The following GMPS variants were observed in gnomAD, a reference collection of about 807,000 sequenced individuals.
The protein encoded by GMPS is guanosine monophosphate synthase, also known as GMP synthase [glutamine-hydrolyzing].
Under a neutral mutation model 77.9 loss-of-function variants are expected in GMPS, and 15 were observed. The ratio of observed to expected loss-of-function variants is 0.19; its 90% CI spans 0.13 to 0.30. The LOEUF (loss-of-function observed/expected upper bound fraction) is 0.30. Among genes scored for constraint, GMPS ranks in the 10% least tolerant of loss-of-function variants. GMPS has a pLI of 1.00. For synonymous variants in GMPS, 224 were observed against 275.9 expected, an observed-to-expected ratio of 0.81 and a Z score of 1.86; for missense variants, 590 against 838.8, an observed-to-expected ratio of 0.70 and a Z score of 3.66.
At position 155,940,740 on chromosome 3, in the gene GMPS, G is replaced by GTTTT. The variant is rs77440100; in HGVS notation, c.*3063_*3066dup. On this transcript the variant is annotated 3_prime_UTR_variant, in exon 16 of 16. Transcript: ENST00000496455. ...AGACAGAATGGAGAAGCTGGATAGT[G>GTTTT]TTTTTTTTTTTTTTTTTTAAGGTTC... The GTTTT allele has an allele frequency of 2.1e-4, 36 of 175,428 alleles. No homozygotes were observed. Among genetic ancestry groups the GTTTT allele is most frequent in the Middle Eastern group, 3.9e-3 (2 of 510 alleles). The allele number at this position is 175,428 out of a possible 1,614,324, so 10.9% of individuals were successfully genotyped here.
At chr3:155,895,547 G>A (rs1345982855) in intron 2 of GMPS, 1 of 152,178 alleles carries the variant, frequency 6.6e-6, no homozygotes, top group Non-Finnish European at 1.5e-5. Context: ...CTGAGCTAAG[G>A]TAATCTGCCC....
chr3:155,937,258 A>G (rs559603215), intron 15 of GMPS, among the ~76,000 whole-genome samples: 168 of 152,342 alleles, frequency 1.1e-3, no homozygotes, highest in Non-Finnish European at 1.8e-3. Context: ...ATAAAATCAC[A>G]TGCTTGGATG....
intron 1 of GMPS, among the ~76,000 whole-genome samples, chr3:155,884,497 A>G (rs1241126162): frequency 6.6e-6 from 1 of 152,162 alleles, no homozygotes; most frequent in African/African-American, 2.4e-5. Flanking sequence ...ACATACGTAT[A>G]TTGTGTCAAC....
intron 1 of GMPS, among the ~76,000 whole-genome samples, chr3:155,881,164 G>GTTTTTTTTTTTTTTTTTTTTTTT (rs11334499): frequency 1.9e-5 from 1 of 52,928 alleles, no homozygotes; most frequent in Non-Finnish European, 3.4e-5. Context: ...TTTGATATTA[G>GTTTTTTTTTTTTTTTTTTTTTTT]TTTTTTTTTT....
chr3:155,933,827 C>G (rs968658349), intron 13 of GMPS, among the ~76,000 whole-genome samples: 1 of 152,102 alleles, frequency 6.6e-6, no homozygotes, highest in African/African-American at 2.4e-5. Flanking sequence ...TGAAACAGAT[C>G]CCTTCAAACC....
At chr3:155,908,128 G>A (rs888867884) in intron 5 of GMPS, among the ~76,000 whole-genome samples, 2 of 152,224 alleles carry the variant, frequency 1.3e-5, no homozygotes, top group Non-Finnish European at 2.9e-5. Flanking sequence ...AAGAAGACAA[G>A]CTAGGAATTT....
intron 12 of GMPS, among the ~76,000 whole-genome samples, chr3:155,929,676 C>A (rs1755552065): frequency 7.6e-6 from 1 of 130,932 alleles, no homozygotes; most frequent in East Asian, 2.4e-4. Context: ...TCTCAGGATA[C>A]AAAATCAATG....
chr3:155,921,437 A>G (rs1755314068), intron 10 of GMPS, among the ~76,000 whole-genome samples: 1 of 152,200 alleles, frequency 6.6e-6, no homozygotes, highest in Non-Finnish European at 1.5e-5. Flanking sequence ...TTCCCTTATT[A>G]AAAACTTTGG....
At chr3:155,929,478 A>G (rs1311668926) in intron 12 of GMPS, among the ~76,000 whole-genome samples, 1 of 148,560 alleles carries the variant, frequency 6.7e-6, no homozygotes, top group Non-Finnish European at 1.5e-5. Flanking sequence ...CTCTCTCACC[A>G]CTCCTATTCA....
intron 1 of GMPS, among the ~76,000 whole-genome samples, chr3:155,881,828 G>A (rs1754213338): frequency 6.6e-6 from 1 of 152,186 alleles, no homozygotes; most frequent in Non-Finnish European, 1.5e-5. Context: ...CACTTTGGGA[G>A]GCTGAGGTGG....
intron 1 of GMPS, among the ~76,000 whole-genome samples, chr3:155,879,816 C>T (rs1457126622): frequency 6.7e-6 from 1 of 149,892 alleles, no homozygotes; most frequent in East Asian, 2.0e-4. Context: ...CTGCAACCTC[C>T]ACCTCCTGGG....
chr3:155,934,905 T>C lies in GMPS; in HGVS notation c.1677-11T>C. On this transcript the variant is annotated splice_polypyrimidine_tract_variant and intron_variant, in intron 13 of 15. Coordinates refer to ENST00000496455, the MANE Select transcript of GMPS (RefSeq NM_003875.3). The stretch of plus-strand genomic sequence containing the variant: ...GTAATTGCTGTATTATTTTTACCTC[T>C]TTGTTTCCAGAGTTGTTTATATATT... 6.5e-7 allele frequency: 1 copy of C among 1,539,198 alleles called. No individual in the cohort carries two copies. Among genetic ancestry groups the C allele is most frequent in the Non-Finnish European group, 9.0e-7 (1 of 1,114,340 alleles).
chr3:155,899,672 TTTTGG>T, intron 3 of GMPS, among the ~76,000 whole-genome samples: 1 of 152,222 alleles, frequency 6.6e-6, no homozygotes, highest in Admixed American at 6.5e-5. Context: ...CATTCTATTG[TTTTGG>T]ACAAATGTAT....
chr3:155,921,207 C>T (rs148271413), intron 10 of GMPS, among the ~76,000 whole-genome samples: 6 of 152,088 alleles, frequency 3.9e-5, no homozygotes, highest in Admixed American at 6.6e-5. Context: ...GAGCTGAGAT[C>T]GTGCCACTGC....
intron 1 of GMPS, among the ~76,000 whole-genome samples, chr3:155,884,617 G>A (rs1426764267): frequency 1.3e-5 from 2 of 152,082 alleles, no homozygotes; most frequent in African/African-American, 4.8e-5. Context: ...AGAAATTGTG[G>A]CCCTGGACCA....
intron 1 of GMPS, among the ~76,000 whole-genome samples, chr3:155,888,306 GC>G (rs1163346523): frequency 6.7e-6 from 1 of 149,632 alleles, no homozygotes; most frequent in East Asian, 1.9e-4. Flanking sequence ...GTTCTCTCTT[GC>G]CTTGTGTAAT....
intron 1 of GMPS, among the ~76,000 whole-genome samples, chr3:155,872,421 A>G (rs930796173): frequency 3.9e-5 from 6 of 152,142 alleles, no homozygotes; most frequent in Non-Finnish European, 4.4e-5. Context: ...CTTGCAAAGC[A>G]TTTTTCTGCC....
chr3:155,894,585 C>T (rs146247381), intron 2 of GMPS, among the ~76,000 whole-genome samples: 6 of 151,936 alleles, frequency 3.9e-5, no homozygotes, highest in Admixed American at 1.3e-4. Flanking sequence ...AAGACTGTTA[C>T]GTAGAAGCAA....
In GMPS at chr3:155,893,681, T is replaced by G. The variant is rs535398077; in HGVS notation, c.191T>G (p.Ile64Arg). Residue 64 changes from isoleucine to arginine, a missense_variant, in exon 2 of 16, where the codon ATA becomes AGA. Around this residue, in one of 6 missense-constraint regions of GMPS, gnomAD observed 136 missense variants for 225.6 expected, o/e 0.60. Transcript: ENST00000496455. ...CCCTTGGAAACACCAGCATTTGCTA[T>G]AAAGGAACAAGGATTCCGGTAGACT... Reference protein sequence around the residue: ...IFPLETPAFAIKEQGFRAIII... With the variant: ...IFPLETPAFARKEQGFRAIII... 6.2e-7 allele frequency: 1 copy of G among 1,603,550 alleles called. No homozygotes were observed. The highest frequency in any genetic ancestry group is 8.5e-7 in the Non-Finnish European group (1 of 1,172,132).
Sources: allele counts gnomAD v4.1 joint callset (sites outside exome capture counted in the v4.1 genomes callset), GRCh38; gene constraint gnomAD v4.1.1; regional missense constraint gnomAD v4.1.1; transcripts MANE v1.5; gene names NCBI Gene and HGNC (gene_info 2026-07-23, HGNC 2026-07-21).